Variants in TPCN1 observed in about 807,000 individuals in gnomAD.
TPCN1 encodes two pore channel protein 1.
A neutral mutation model predicts 108.8 loss-of-function variants in TPCN1; 52 were observed. That is an observed-to-expected ratio of 0.48 (90% CI 0.38 to 0.60). The LOEUF (loss-of-function observed/expected upper bound fraction) is 0.60. Among genes scored for constraint, TPCN1 ranks in the 20% least tolerant of loss-of-function variants. TPCN1 has a pLI of 0.00. For synonymous variants in TPCN1, 446 were observed against 433.7 expected (o/e 1.03, Z -0.35); for missense variants, 806 against 1,072.8 (o/e 0.75, Z 3.47).
rs1953726443 is a variant in TPCN1 at position 113,232,491 on chromosome 12, C to G, written c.112+5527C>G. The stretch of plus-strand genomic sequence containing the variant: ...AGAAGAATACACCCCGAGGTGTGCG[C>G]TCCATCACTGATGTCTGTGCCGTGG... On this transcript the variant is annotated intron_variant, in intron 2 of 27. Coordinates refer to ENST00000335509, the MANE Select transcript of TPCN1 (RefSeq NM_017901.6). This position sits in a 1 kb window ranked among gnomAD's most constrained non-coding sequence, Gnocchi z 5.6. 6.6e-6 allele frequency among the ~76,000 whole-genome samples: 1 copy of G among 152,264 alleles called. No homozygotes were observed. Among genetic ancestry groups the G allele is most frequent in the Non-Finnish European group, 1.5e-5 (1 of 68,042 alleles).
Position 113,284,686 on chromosome 12 carries a change from T to C in TPCN1, c.1400-32T>C. ...CGTGTCCTGGCCGGCACACCTGGCT[T>C]ACCTGTGAGCTGCTACTTCTCTGTC... On this transcript the variant is annotated intron_variant, in intron 16 of 27. Coordinates refer to ENST00000335509, the MANE Select transcript of TPCN1 (RefSeq NM_017901.6). The surrounding 1 kb of genome is among the most constrained non-coding windows in gnomAD (Gnocchi z 4.1). The C allele has an allele frequency of 6.2e-7, 1 of 1,614,252 alleles. No homozygotes were observed. The highest frequency in any genetic ancestry group is 8.5e-7 in the Non-Finnish European group (1 of 1,180,038).
rs1956205166 is a variant in TPCN1 at position 113,289,693 on chromosome 12, C to CT, written c.1797-431dup. Among the ~76,000 whole-genome samples the CT allele has an allele frequency of 6.6e-6, 1 of 152,252 alleles. No homozygotes were observed. Among genetic ancestry groups the CT allele is most frequent in the Admixed American group, 6.5e-5 (1 of 15,288 alleles). On this transcript the variant is annotated intron_variant, in intron 21 of 27. Coordinates refer to ENST00000335509, the MANE Select transcript of TPCN1 (RefSeq NM_017901.6). This position sits in a 1 kb window ranked among gnomAD's most constrained non-coding sequence, Gnocchi z 4.1. ...AAGAGCTCCTCAAAACAGGGCCAAC[C>CT]TTTTCAAATACTTGCTCAGGCCAAG...
rs983613589 is a variant in TPCN1, at chr12:113,269,644, G to A, written c.660-113G>A. ...GAAGCATGATGTCACACCAGAGTGC[G>A]TCAGGGTTTAGTATTTCGAGTCAGA... On this transcript the variant is annotated intron_variant, in intron 6 of 27. Transcript: ENST00000335509. The surrounding 1 kb of genome is among the most constrained non-coding windows in gnomAD (Gnocchi z 5.0). 7.8e-6 allele frequency: 7 copies of A among 892,162 alleles called. No homozygotes were observed. The highest frequency in any genetic ancestry group is 5.3e-6 in the Non-Finnish European group (3 of 566,466). The allele number at this position is 892,162 out of a possible 1,614,324, so 55.3% of individuals were successfully genotyped here. A position where few individuals can be genotyped will look rare whatever the true frequency, so the allele number is the denominator to read the frequency against.
chr12:113,263,124 T>C (rs1416995263), intron 3 of TPCN1, among the ~76,000 whole-genome samples: 2 of 152,188 alleles, frequency 1.3e-5, no homozygotes, highest in Non-Finnish European at 2.9e-5. Context: ...ATATTAAAGG[T>C]GATTATCTCT....
intron 2 of TPCN1, among the ~76,000 whole-genome samples, chr12:113,255,344 T>C (rs549232082): frequency 6.6e-6 from 1 of 152,184 alleles, no homozygotes; most frequent in African/African-American, 2.4e-5. Context: ...AGAAAAGATG[T>C]GTCAGGTCTG....
chr12:113,260,146 C>T (rs531284707), intron 2 of TPCN1, among the ~76,000 whole-genome samples: 1 of 152,158 alleles, frequency 6.6e-6, no homozygotes, highest in Admixed American at 6.5e-5. Flanking sequence ...TATTTGTACT[C>T]TTTTGTACTT....
At chr12:113,223,128 C>T (rs1232864008) in intron 1 of TPCN1, among the ~76,000 whole-genome samples, 1 of 152,104 alleles carries the variant, frequency 6.6e-6, no homozygotes, top group East Asian at 1.9e-4. Context: ...AATAAATCCC[C>T]AGATCTGGAG....
Position 113,289,545 on chromosome 12 carries a change from C to G in TPCN1, c.1797-583C>G, listed in dbSNP as rs1360464646. On this transcript the variant is annotated intron_variant, in intron 21 of 27. Transcript: ENST00000335509. This position sits in a 1 kb window ranked among gnomAD's most constrained non-coding sequence, Gnocchi z 4.1. ...AGCTTAGTGCAAGCTCCAGACCTCA[C>G]TCTTGTGTCTGATGCATGCGTGTGG... Among the ~76,000 whole-genome samples the G allele has an allele frequency of 1.3e-5, 2 of 152,226 alleles. No homozygotes were observed. The highest frequency in any genetic ancestry group is 2.9e-5 in the Non-Finnish European group (2 of 68,046).
rs750556606 is a variant in TPCN1 at position 113,285,977 on chromosome 12, G to C, written c.1526+16G>C. The C allele has an allele frequency of 6.2e-7, 1 of 1,610,978 alleles. No homozygotes were observed. On this transcript the variant is annotated intron_variant, in intron 18 of 27. Transcript: ENST00000335509. The stretch of plus-strand genomic sequence containing the variant: ...GATGGAACTTGTGAGTGGACAGCAT[G>C]TTTCTGACCCAAAGCTGAGACTCTT...
intron 10 of TPCN1, among the ~76,000 whole-genome samples, chr12:113,276,133 A>T (rs1174783073): frequency 6.6e-6 from 1 of 152,162 alleles, no homozygotes; most frequent in African/African-American, 2.4e-5. Context: ...CGCAGCAGAG[A>T]TCATTTGGCC....
Position 113,267,935 on chromosome 12 carries a change from G to A in TPCN1, c.507G>A (p.Arg169=), listed in dbSNP as rs766074465. 1 of 1,613,274 alleles carries A rather than the reference G, an allele frequency of 6.2e-7. No individual in the cohort carries two copies. The highest frequency in any genetic ancestry group is 8.5e-7 in the Non-Finnish European group (1 of 1,179,416). ...GGCTGGGCCTCCACACCTTCATCCG[G>A]CACAAGCGGACCATGGTCAAGGTGA... ...LRWLGLHTFI[R]HKRTMVKTSV... Residue 169 remains arginine (R), a synonymous_variant, in exon 5 of 28, where the codon CGG becomes CGA. Coordinates refer to ENST00000335509, the MANE Select transcript of TPCN1 (RefSeq NM_017901.6).
At chr12:113,229,213 G>C (rs1953584349) in intron 2 of TPCN1, among the ~76,000 whole-genome samples, 1 of 152,222 alleles carries the variant, frequency 6.6e-6, no homozygotes, top group Admixed American at 6.5e-5. Context: ...ATAACTAACT[G>C]CTGGGGTCCA....
intron 2 of TPCN1, 95 bp from the exon 3 acceptor site, chr12:113,260,273 A>T: frequency 4.4e-6 from 6 of 1,355,986 alleles, no homozygotes; most frequent in Non-Finnish European, 5.8e-6. Flanking sequence ...CCATGTGAGC[A>T]TATGAAGGGA....
rs1430570025 is a variant in TPCN1 at position 113,277,963 on chromosome 12, G to A, written c.1185-226G>A. ...GACACTGTCCGTAGTTAGTGCCATC[G>A]GTGGAGACTTAAGTGGATTACATAT... On this transcript the variant is annotated intron_variant, in intron 12 of 27. Transcript: ENST00000335509. 3.9e-5 allele frequency among the ~76,000 whole-genome samples: 6 copies of A among 152,268 alleles called. 1 individual carries two copies. In the South Asian group the frequency reaches 1.0e-3, roughly 26 times the overall value.
chr12:113,258,717 A>T (rs1376690379), intron 2 of TPCN1, among the ~76,000 whole-genome samples: 3 of 152,008 alleles, frequency 2.0e-5, no homozygotes, highest in East Asian at 3.9e-4. Context: ...AGAGTTTAAG[A>T]CTGCAATGAG....
At chr12:113,277,411 C>CA (rs768394863) in intron 12 of TPCN1, 47 bp downstream of exon 12, 3 of 1,612,410 alleles carry the variant, frequency 1.9e-6, no homozygotes, top group Non-Finnish European at 2.5e-6. Flanking sequence ...ACAAGGTGTT[C>CA]ACGTCTAGAG....
In TPCN1 at chr12:113,266,263, C is replaced by T. The variant is rs752743398; in HGVS notation, c.321C>T (p.Leu107=). ...CCTACCTCTTTGCACACAATCACCT[C>T]TTCTACCTGATGGAGCTGGCCACGG... The part of the protein sequence containing the change: ...LAAYLFAHNH[L]FYLMELATAL... Residue 107 remains leucine, a synonymous_variant, in exon 4 of 28, where the codon CTC becomes CTT. Transcript: ENST00000335509. This position sits in a 1 kb window ranked among gnomAD's most constrained non-coding sequence, Gnocchi z 4.2. The T allele has an allele frequency of 1.2e-6, 2 of 1,614,062 alleles. No homozygotes were observed. Among genetic ancestry groups the T allele is most frequent in the South Asian group, 1.1e-5 (1 of 91,090 alleles).
intron 2 of TPCN1, among the ~76,000 whole-genome samples, chr12:113,235,291 A>T (rs1953841888): frequency 6.6e-6 from 1 of 152,124 alleles, no homozygotes; most frequent in Non-Finnish European, 1.5e-5. Flanking sequence ...TTTCCTGGTG[A>T]TTCTTTCCTT....
intron 2 of TPCN1, among the ~76,000 whole-genome samples, chr12:113,258,121 T>C (rs575771155): frequency 8.5e-4 from 129 of 152,328 alleles, no homozygotes; most frequent in Non-Finnish European, 1.6e-3. Context: ...AACTGTATTC[T>C]TAAAATATAT....
Sources: gnomAD v4.1 joint callset for allele counts (sites outside exome capture counted in the v4.1 genomes callset) on GRCh38, gnomAD v4.1.1 for gene constraint, Gnocchi (gnomAD v3.1) non-coding constraint, MANE v1.5 for transcripts, NCBI Gene and HGNC (gene_info 2026-07-23, HGNC 2026-07-21) for gene names.